The following PARD3 variants were observed in gnomAD, a reference collection of about 807,000 sequenced individuals.
PARD3 encodes partitioning defective 3 homolog.
PARD3 carries 75 observed loss-of-function variants against 155.4 expected under a neutral mutation model. That is an observed-to-expected ratio of 0.48 (90% CI 0.40 to 0.58). The LOEUF is 0.58. Among genes scored for constraint, PARD3 ranks in the 20% least tolerant of loss-of-function variants. PARD3 has a pLI of 0.00. For synonymous variants in PARD3, 576 were observed against 610.5 expected, an observed-to-expected ratio of 0.94 and a Z score of 0.83; for missense variants, 1,642 against 1,721.7, an observed-to-expected ratio of 0.95 and a Z score of 0.82.
At chr10:34,692,850 G>A (rs2094095082) in intron 2 of PARD3, among the ~76,000 whole-genome samples, 1 of 152,184 alleles carries the variant, frequency 6.6e-6, no homozygotes, top group South Asian at 2.1e-4. Context: ...CTCCAGCTTG[G>A]ACAAAAGAGC....
At chr10:34,252,438 G>A (rs1954374073) in intron 22 of PARD3, among the ~76,000 whole-genome samples, 1 of 152,152 alleles carries the variant, frequency 6.6e-6, no homozygotes, top group Non-Finnish European at 1.5e-5. Context: ...AAGCCACACA[G>A]GCAAACTTAA....
chr10:34,814,521 C>T (rs902531793), intron 1 of PARD3, among the ~76,000 whole-genome samples: 1 of 152,134 alleles, frequency 6.6e-6, no homozygotes, highest in Non-Finnish European at 1.5e-5. Context: ...GGCCTGCGCC[C>T]CCCGCGCGCT....
chr10:34,394,317 T>A (rs1350894627), intron 7 of PARD3, among the ~76,000 whole-genome samples: 2 of 152,132 alleles, frequency 1.3e-5, no homozygotes, highest in Non-Finnish European at 2.9e-5. Flanking sequence ...TGAGCCACCA[T>A]GCCCGGCCTT....
intron 2 of PARD3, among the ~76,000 whole-genome samples, chr10:34,543,221 TA>T (rs2083780241): frequency 2.6e-5 from 4 of 151,976 alleles, no homozygotes. Context: ...CCATGAGCCA[TA>T]ATCGTCCCAC....
At chr10:34,213,206 G>T (rs1215109182) in intron 22 of PARD3, among the ~76,000 whole-genome samples, 4 of 152,192 alleles carry the variant, frequency 2.6e-5, no homozygotes, top group Non-Finnish European at 5.9e-5. Flanking sequence ...ATGGCAGAAA[G>T]TGAAAGGGGG....
intron 5 of PARD3, among the ~76,000 whole-genome samples, chr10:34,410,391 G>T (rs1352455849): frequency 6.6e-6 from 1 of 151,656 alleles, no homozygotes; most frequent in Non-Finnish European, 1.5e-5. Context: ...AATCATTAAA[G>T]AAACAATTTT....
At chr10:34,753,783 C>T (rs189315574) in intron 1 of PARD3, among the ~76,000 whole-genome samples, 126 of 152,208 alleles carry the variant, frequency 8.3e-4, no homozygotes, top group African/African-American at 2.8e-3. Flanking sequence ...CAGAGAATCA[C>T]AGACAGGAAG....
intron 2 of PARD3, among the ~76,000 whole-genome samples, chr10:34,684,501 C>T (rs955982105): frequency 6.6e-6 from 1 of 152,062 alleles, no homozygotes; most frequent in African/African-American, 2.4e-5. Context: ...CTGGCAACCT[C>T]GCAGCAGTCC....
intron 1 of PARD3, among the ~76,000 whole-genome samples, chr10:34,786,929 G>A (rs1242000762): frequency 1.3e-5 from 2 of 152,072 alleles, no homozygotes; most frequent in East Asian, 3.8e-4. Flanking sequence ...ATAGACAGTT[G>A]CAATGCTCTA....
intron 1 of PARD3, among the ~76,000 whole-genome samples, chr10:34,783,951 G>A (rs1392556967): frequency 2.6e-5 from 4 of 152,146 alleles, no homozygotes; most frequent in African/African-American, 4.8e-5. Flanking sequence ...GCTCACGGCT[G>A]TAGACCCAGT....
chr10:34,199,553 C>T (rs538051259), intron 22 of PARD3, among the ~76,000 whole-genome samples: 1 of 152,148 alleles, frequency 6.6e-6, no homozygotes, highest in Non-Finnish European at 1.5e-5. Flanking sequence ...TTTTGCCCTA[C>T]AGCCATGGGC....
At chr10:34,112,756 G>A (rs1946452888) in intron 24 of PARD3, among the ~76,000 whole-genome samples, 1 of 152,224 alleles carries the variant, frequency 6.6e-6, no homozygotes, top group Admixed American at 6.5e-5. Context: ...CATCAATATG[G>A]TTTGGAGTGA....
At chr10:34,778,497 T>C (rs1413143916) in intron 1 of PARD3, among the ~76,000 whole-genome samples, 1 of 152,136 alleles carries the variant, frequency 6.6e-6, no homozygotes, top group Non-Finnish European at 1.5e-5. Context: ...AGGGGGAAAA[T>C]GCAGCAACAA....
chr10:34,364,070 C>A (rs1839719624), intron 12 of PARD3, among the ~76,000 whole-genome samples: 2 of 152,030 alleles, frequency 1.3e-5, no homozygotes, highest in African/African-American at 4.8e-5. Context: ...AATCACAGTC[C>A]AAAAAACTGA....
chr10:34,397,851 T>A (rs1235236642), intron 7 of PARD3, among the ~76,000 whole-genome samples: 1 of 152,208 alleles, frequency 6.6e-6, no homozygotes, highest in African/African-American at 2.4e-5. Flanking sequence ...CGGGAAGCTA[T>A]AATCCATGCA....
At chr10:34,606,638 C>T (rs1419409039) in intron 2 of PARD3, among the ~76,000 whole-genome samples, 1 of 79,656 alleles carries the variant, frequency 1.3e-5, no homozygotes, top group African/African-American at 4.8e-5. Flanking sequence ...CCCGTGTCTT[C>T]AAAAAAAAAA....
rs72049773 is a variant in PARD3 at position 34,762,469 on chromosome 10, C to CTTT, written c.120+52404_120+52406dup. ...CACAGACACATGCCACCATGCCTGACTTTTTTTTTTTTTTTTTTTTGTAGA... is the reference window on the plus strand; with the variant it reads ...CACAGACACATGCCACCATGCCTGACTTTTTTTTTTTTTTTTTTTTTTTGTAGA... On this transcript the variant is annotated intron_variant, in intron 1 of 24. Transcript: ENST00000374788. 7.0e-3 allele frequency among the ~76,000 whole-genome samples: 686 copies of CTTT among 98,654 alleles called. 28 individuals carry two copies. Among genetic ancestry groups the CTTT allele is most frequent in the African/African-American group, 0.025 (638 of 25,912 alleles). The allele number at this position is 98,654 out of a possible 152,430, so 64.7% of individuals were successfully genotyped here.
intron 18 of PARD3, among the ~76,000 whole-genome samples, chr10:34,334,941 A>AT (rs1836005658): frequency 6.6e-6 from 1 of 151,706 alleles, no homozygotes; most frequent in African/African-American, 2.4e-5. Context: ...TAAATTAAGT[A>AT]TTTTTCTTAT....
intron 2 of PARD3, among the ~76,000 whole-genome samples, chr10:34,666,774 CCCTAAAAA>C (rs1229202844): frequency 0.012 from 45 of 3,654 alleles, no homozygotes; most frequent in African/African-American, 0.015. Flanking sequence ...CTACCCCTCC[CCCTAAAAA>C]AAAAAAAAAA....
Sources: allele counts gnomAD v4.1 joint callset (sites outside exome capture counted in the v4.1 genomes callset), GRCh38; gene constraint gnomAD v4.1.1; transcripts MANE v1.5; gene names NCBI Gene and HGNC (gene_info 2026-07-23, HGNC 2026-07-21).